The following RFTN1 variants were observed in gnomAD, a reference collection of about 807,000 sequenced individuals.
RFTN1 encodes the protein raftlin.
In RFTN1, 26 loss-of-function variants were observed where a neutral mutation model predicts 46.5. The observed-to-expected ratio is 0.56, with a 90% confidence interval of 0.41 to 0.78. The LOEUF (loss-of-function observed/expected upper bound fraction) is 0.78. Among genes scored for constraint, RFTN1 ranks in the 30% least tolerant of loss-of-function variants. RFTN1 has a pLI of 0.00. For missense variants in RFTN1, 693 were observed against 718.7 expected (o/e 0.96, Z 0.41); for synonymous variants, 261 against 284.2 (o/e 0.92, Z 0.82).
chr3:16,418,981 G>A lies in RFTN1; in HGVS notation c.333-9498C>T, dbSNP rs546436343. Among the ~76,000 whole-genome samples the A allele has an allele frequency of 1.2e-4, 18 of 152,256 alleles. No individual in the cohort carries two copies. The highest frequency in any genetic ancestry group is 1.0e-3 in the Admixed American group (16 of 15,296). ...TGTCAAGGATCAGGGGAAAATTTAA[G>A]GAGCAAGGCGTGTGTGGGCTGAGTC... is the stretch of plus-strand genomic sequence containing the variant. On this transcript the variant is annotated intron_variant, in intron 3 of 9. Transcript: ENST00000334133. The surrounding 1 kb of genome is among the most constrained non-coding windows in gnomAD (Gnocchi z 5.0).
intron 6 of RFTN1, among the ~76,000 whole-genome samples, chr3:16,368,632 CTG>C (rs1491178394): frequency 6.8e-6 from 1 of 146,096 alleles, no homozygotes; most frequent in African/African-American, 2.5e-5. Context: ...GATCGCGCCA[CTG>C]CATTCCAGCA....
Position 16,351,706 on chromosome 3 carries a change from T to G in RFTN1, c.1146+6226A>C, listed in dbSNP as rs1415078594. ...TGTATATAAGTTAGACCCATTATCC[T>G]AATTACATGTCTTAATTTAAATGAT... is the stretch of plus-strand genomic sequence containing the variant. On this transcript the variant is annotated intron_variant, in intron 7 of 9. Coordinates refer to ENST00000334133, the MANE Select transcript of RFTN1 (RefSeq NM_015150.2). This position sits in a 1 kb window ranked among gnomAD's most constrained non-coding sequence, Gnocchi z 5.4. Among the ~76,000 whole-genome samples the G allele has an allele frequency of 6.6e-6, 1 of 152,198 alleles. No homozygotes were observed. The highest frequency in any genetic ancestry group is 2.4e-5 in the African/African-American group (1 of 41,460).
chr3:16,333,355 G>T (rs2070514621), intron 7 of RFTN1, among the ~76,000 whole-genome samples: 1 of 152,162 alleles, frequency 6.6e-6, no homozygotes, highest in Admixed American at 6.5e-5. Flanking sequence ...TTGCTGTTCT[G>T]CACATGTTTG....
chr3:16,500,652 TGA>T lies in RFTN1; in HGVS notation c.-8-6777_-8-6776del, dbSNP rs1249770744. ...CTGGAAACAAAGATCCCTTGAATGG[TGA>T]TCTTCTGGAAAAAATTTTGGCTGAA... is the stretch of plus-strand genomic sequence containing the variant. On this transcript the variant is annotated intron_variant, in intron 1 of 9. Transcript: ENST00000334133. The surrounding 1 kb of genome is among the most constrained non-coding windows in gnomAD (Gnocchi z 5.9). Among the ~76,000 whole-genome samples the T allele has an allele frequency of 6.6e-6, 1 of 152,216 alleles. No homozygotes were observed. Among genetic ancestry groups the T allele is most frequent in the Non-Finnish European group, 1.5e-5 (1 of 68,038 alleles).
At position 16,440,113 on chromosome 3, in the gene RFTN1, A is replaced by G. The variant is rs1371278344; in HGVS notation, c.146-6076T>C. On this transcript the variant is annotated intron_variant, in intron 2 of 9. Coordinates refer to ENST00000334133, the MANE Select transcript of RFTN1 (RefSeq NM_015150.2). The surrounding 1 kb of genome is among the most constrained non-coding windows in gnomAD (Gnocchi z 4.6). ...TCTTAGCCACCGTTACCTTCCAAAA[A>G]GAGAAAATGCCAGCCTACTCAGAGT... Among the ~76,000 whole-genome samples, 1 of 152,220 alleles carries G rather than the reference A, an allele frequency of 6.6e-6. No individual in the cohort carries two copies. Among genetic ancestry groups the G allele is most frequent in the Non-Finnish European group, 1.5e-5 (1 of 68,042 alleles).
In RFTN1 at chr3:16,459,614, G is replaced by A. The variant is rs1252390865; in HGVS notation, c.146-25577C>T. Among the ~76,000 whole-genome samples the A allele has an allele frequency of 2.6e-5, 4 of 151,872 alleles. No homozygotes were observed. Among genetic ancestry groups the A allele is most frequent in the Non-Finnish European group, 5.9e-5 (4 of 67,976 alleles). On this transcript the variant is annotated intron_variant, in intron 2 of 9. Transcript: ENST00000334133. The surrounding 1 kb of genome is among the most constrained non-coding windows in gnomAD (Gnocchi z 4.2). Reference sequence around the variant, plus strand: ...GTTTCTAAAATAATAATAATAATAAGTAAATAAATGAAAATTACAAATAAA... The same window carrying A: ...GTTTCTAAAATAATAATAATAATAAATAAATAAATGAAAATTACAAATAAA...
Position 16,507,655 on chromosome 3 carries a change from C to T in RFTN1, c.-9+5787G>A, listed in dbSNP as rs1170013470. Among the ~76,000 whole-genome samples, 2 of 150,808 alleles carry T rather than the reference C, an allele frequency of 1.3e-5. No individual in the cohort carries two copies. The highest frequency in any genetic ancestry group is 4.9e-5 in the African/African-American group (2 of 40,964). Reference sequence around the variant, plus strand: ...ACACATGCACACATCCACAAACACGCACATACATACACACACAATGCACAT... The same window carrying T: ...ACACATGCACACATCCACAAACACGTACATACATACACACACAATGCACAT... On this transcript the variant is annotated intron_variant, in intron 1 of 9. Coordinates refer to ENST00000334133, the MANE Select transcript of RFTN1 (RefSeq NM_015150.2). The surrounding 1 kb of genome is among the most constrained non-coding windows in gnomAD (Gnocchi z 7.1).
rs150089238 is a variant in RFTN1 at position 16,497,153 on chromosome 3, G to A, written c.-8-3276C>T. 3.9e-5 allele frequency among the ~76,000 whole-genome samples: 6 copies of A among 152,260 alleles called. No homozygotes were observed. In the East Asian group the frequency reaches 7.7e-4, roughly 20 times the overall value. The stretch of plus-strand genomic sequence containing the variant: ...CTTGATCTGGGTGTCAGTTTGTGAC[G>A]ATTCACTGGGCCACTGAGCAGTCTC... On this transcript the variant is annotated intron_variant, in intron 1 of 9. Coordinates refer to ENST00000334133, the MANE Select transcript of RFTN1 (RefSeq NM_015150.2).
At position 16,374,074 on chromosome 3, in the gene RFTN1, GACAGC is replaced by G. The variant is rs2073642163; in HGVS notation, c.826+3639_826+3643del. 6.6e-6 allele frequency among the ~76,000 whole-genome samples: 1 copy of G among 152,206 alleles called. No individual in the cohort carries two copies. The highest frequency in any genetic ancestry group is 6.5e-5 in the Admixed American group (1 of 15,284). ...TCCACAGGACTCCACCTGCAAGCAT[GACAGC>G]AGCCACAGGCATGTGTCCCATATTT... is the stretch of plus-strand genomic sequence containing the variant. On this transcript the variant is annotated intron_variant, in intron 5 of 9. Coordinates refer to ENST00000334133, the MANE Select transcript of RFTN1 (RefSeq NM_015150.2). This position sits in a 1 kb window ranked among gnomAD's most constrained non-coding sequence, Gnocchi z 5.4.
chr3:16,459,206 C>G lies in RFTN1; in HGVS notation c.146-25169G>C, dbSNP rs1328762922. On this transcript the variant is annotated intron_variant, in intron 2 of 9. Coordinates refer to ENST00000334133, the MANE Select transcript of RFTN1 (RefSeq NM_015150.2). The surrounding 1 kb of genome is among the most constrained non-coding windows in gnomAD (Gnocchi z 4.2). ...TTAGCCTCCCAAAGTGCTGGAATTA[C>G]AGGTATGAGCCACTGTGCCTGGCCA... Among the ~76,000 whole-genome samples, 1 of 152,128 alleles carries G rather than the reference C, an allele frequency of 6.6e-6. No homozygotes were observed. Among genetic ancestry groups the G allele is most frequent in the Non-Finnish European group, 1.5e-5 (1 of 68,030 alleles).
rs962269256 is a variant in RFTN1 at position 16,427,336 on chromosome 3, T to C, written c.332+6515A>G. Among the ~76,000 whole-genome samples, 2 of 152,194 alleles carry C rather than the reference T, an allele frequency of 1.3e-5. No individual in the cohort carries two copies. Among genetic ancestry groups the C allele is most frequent in the African/African-American group, 4.8e-5 (2 of 41,422 alleles). On this transcript the variant is annotated intron_variant, in intron 3 of 9. Coordinates refer to ENST00000334133, the MANE Select transcript of RFTN1 (RefSeq NM_015150.2). The surrounding 1 kb of genome is among the most constrained non-coding windows in gnomAD (Gnocchi z 5.4). Reference sequence around the variant, plus strand: ...GGGATCTGAGCTTGCAAGCCCTGTCTTAGAATAAAGACAGAGTCTTCAGAA... The same window carrying C: ...GGGATCTGAGCTTGCAAGCCCTGTCCTAGAATAAAGACAGAGTCTTCAGAA...
chr3:16,391,097 C>G (rs1575209616), intron 4 of RFTN1, among the ~76,000 whole-genome samples: 1 of 152,198 alleles, frequency 6.6e-6, no homozygotes, highest in East Asian at 1.9e-4. Context: ...CCAAGACCAT[C>G]ACTAGTACCC....
chr3:16,508,367 G>A (rs369292894), intron 1 of RFTN1, among the ~76,000 whole-genome samples: 65 of 152,274 alleles, frequency 4.3e-4, no homozygotes, highest in African/African-American at 1.5e-3. Flanking sequence ...TCCTGGCAGG[G>A]AGCCATCACT....
In RFTN1 at chr3:16,387,600, C is replaced by CTCTCTCTCTCTCTG. The variant is rs2074228915; in HGVS notation, c.442-9499_442-9498insCAGAGAGAGAGAGA. On this transcript the variant is annotated intron_variant, in intron 4 of 9. Coordinates refer to ENST00000334133, the MANE Select transcript of RFTN1 (RefSeq NM_015150.2). The surrounding 1 kb of genome is among the most constrained non-coding windows in gnomAD (Gnocchi z 5.2). ...TCTCTCTCTCTCTCTCTCTCTCTCT[C>CTCTCTCTCTCTCTG]TCTCTCTCTCTACTGGCTCCTTCCA... is the stretch of plus-strand genomic sequence containing the variant. 6.7e-6 allele frequency among the ~76,000 whole-genome samples: 1 copy of CTCTCTCTCTCTCTG among 149,492 alleles called. No homozygotes were observed. Among genetic ancestry groups the CTCTCTCTCTCTCTG allele is most frequent in the Admixed American group, 6.7e-5 (1 of 14,932 alleles).
chr3:16,417,707 C>T (rs534427434), intron 3 of RFTN1, among the ~76,000 whole-genome samples: 12 of 152,196 alleles, frequency 7.9e-5, no homozygotes, highest in South Asian at 2.1e-4. Flanking sequence ...TAAACTCAAA[C>T]GCCCATGGGC....
chr3:16,367,779 C>T (rs1184054619), intron 6 of RFTN1, among the ~76,000 whole-genome samples: 2 of 152,142 alleles, frequency 1.3e-5, no homozygotes, highest in African/African-American at 4.8e-5. Context: ...GCTAACTCAG[C>T]CTTGATCACC....
In RFTN1 at chr3:16,413,521, T is replaced by C. The variant is rs988741248; in HGVS notation, c.333-4038A>G. 6.6e-6 allele frequency among the ~76,000 whole-genome samples: 1 copy of C among 152,214 alleles called. No homozygotes were observed. Among genetic ancestry groups the C allele is most frequent in the Admixed American group, 6.5e-5 (1 of 15,282 alleles). On this transcript the variant is annotated intron_variant, in intron 3 of 9. Coordinates refer to ENST00000334133, the MANE Select transcript of RFTN1 (RefSeq NM_015150.2). The surrounding 1 kb of genome is among the most constrained non-coding windows in gnomAD (Gnocchi z 4.7). Reference sequence around the variant, plus strand: ...CATTGTATCATCCTGGAAAAGAATATGGGAAACCACCAAACTTCCCCTGGA... The same window carrying C: ...CATTGTATCATCCTGGAAAAGAATACGGGAAACCACCAAACTTCCCCTGGA...
At chr3:16,436,356 AAAT>A (rs2075514795) in intron 2 of RFTN1, among the ~76,000 whole-genome samples, 2 of 143,850 alleles carry the variant, frequency 1.4e-5, no homozygotes, top group Non-Finnish European at 1.5e-5. Flanking sequence ...ATGAAAAAAA[AAAT>A]TTTTTTTTTT....
chr3:16,408,491 G>C (rs531584155), intron 4 of RFTN1, among the ~76,000 whole-genome samples: 34 of 151,080 alleles, frequency 2.3e-4, no homozygotes, highest in African/African-American at 8.0e-4. Context: ...CACTGGGTAA[G>C]AGAGAACAAG....
Sources: gnomAD v4.1 joint callset for allele counts (sites outside exome capture counted in the v4.1 genomes callset) on GRCh38, gnomAD v4.1.1 for gene constraint, Gnocchi (gnomAD v3.1) non-coding constraint, MANE v1.5 for transcripts, NCBI Gene and HGNC (gene_info 2026-07-23, HGNC 2026-07-21) for gene names.